NKAIN2: variants seen among roughly 807,000 people sequenced by gnomAD.
NKAIN2 encodes sodium/potassium-transporting ATPase subunit beta-1-interacting protein 2.
In NKAIN2, 14 loss-of-function variants were observed where a neutral mutation model predicts 32.6. The observed-to-expected ratio is 0.43, with a 90% CI of 0.28 to 0.67. The LOEUF (loss-of-function observed/expected upper bound fraction) is 0.67, where lower values mean the gene tolerates loss of function less well. Among genes scored for constraint, NKAIN2 ranks in the 30% least tolerant of loss-of-function variants. NKAIN2 has a pLI of 0.17. For missense variants in NKAIN2, 198 were observed against 258.3 expected, an observed-to-expected ratio of 0.77 and a Z score of 1.60; for synonymous variants, 80 against 87.2, an observed-to-expected ratio of 0.92 and a Z score of 0.46.
intron 3 of NKAIN2, among the ~76,000 whole-genome samples, chr6:124,609,263 G>A (rs1782603820): frequency 6.6e-6 from 1 of 152,080 alleles, no homozygotes; most frequent in South Asian, 2.1e-4. Context: ...TCCTCTTACA[G>A]CCTTATTTGA....
At chr6:124,578,157 G>A (rs1057209113) in intron 3 of NKAIN2, among the ~76,000 whole-genome samples, 3 of 151,968 alleles carry the variant, frequency 2.0e-5, no homozygotes, top group African/African-American at 4.8e-5. Flanking sequence ...GCTACAGGGA[G>A]AGCAACCTTC....
intron 4 of NKAIN2, chr6:124,658,687 G>C (rs1784633480): frequency 3.5e-6 from 2 of 572,160 alleles, no homozygotes; most frequent in Non-Finnish European, 5.8e-6. Flanking sequence ...GATTCTGAAG[G>C]GATGATCAGA....
At chr6:124,507,514 G>A (rs904961276) in intron 3 of NKAIN2, among the ~76,000 whole-genome samples, 8 of 152,004 alleles carry the variant, frequency 5.3e-5, no homozygotes, top group Non-Finnish European at 7.4e-5. Context: ...GGTAGTCAGC[G>A]TATCCATCTT....
intron 1 of NKAIN2, among the ~76,000 whole-genome samples, chr6:124,081,724 T>C (rs182641439): frequency 4.0e-4 from 61 of 152,186 alleles, no homozygotes; most frequent in African/African-American, 1.4e-3. Context: ...AAATTCTGAC[T>C]TTTCAAGGCC....
intron 2 of NKAIN2, among the ~76,000 whole-genome samples, chr6:124,289,062 A>G (rs1795686087): frequency 6.6e-6 from 1 of 152,234 alleles, no homozygotes; most frequent in African/African-American, 2.4e-5. Flanking sequence ...AAGAGAAGCC[A>G]ATACACATGA....
At chr6:124,200,417 C>G (rs755925424) in intron 1 of NKAIN2, among the ~76,000 whole-genome samples, 8 of 152,032 alleles carry the variant, frequency 5.3e-5, no homozygotes, top group Non-Finnish European at 8.8e-5. Flanking sequence ...GTGTTTTGTT[C>G]GCTGTGAGTC....
At chr6:123,958,402 A>G (rs1054988445) in intron 1 of NKAIN2, among the ~76,000 whole-genome samples, 3 of 152,226 alleles carry the variant, frequency 2.0e-5, no homozygotes, top group Admixed American at 2.0e-4. Flanking sequence ...CTCTGTGCAC[A>G]TGGAGCCATC....
chr6:123,949,261 C>A (rs560299076), intron 1 of NKAIN2, among the ~76,000 whole-genome samples: 23 of 152,082 alleles, frequency 1.5e-4, no homozygotes, highest in African/African-American at 5.3e-4. Flanking sequence ...GTTCTTTTTG[C>A]TCAGGATTTC....
chr6:124,673,665 G>C (rs75912288), intron 4 of NKAIN2, among the ~76,000 whole-genome samples: 8,995 of 151,766 alleles, frequency 0.059, 364 homozygotes, highest in African/African-American at 0.11. Flanking sequence ...TCATATACCT[G>C]TTGGCCATTT....
intron 5 of NKAIN2, among the ~76,000 whole-genome samples, chr6:124,797,825 G>A (rs1780069575): frequency 6.6e-6 from 1 of 151,878 alleles, no homozygotes; most frequent in Non-Finnish European, 1.5e-5. Context: ...TGGGAGCAGG[G>A]AAAACTATTT....
chr6:124,061,349 C>T (rs1782910434), intron 1 of NKAIN2, among the ~76,000 whole-genome samples: 2 of 152,030 alleles, frequency 1.3e-5, no homozygotes, highest in South Asian at 4.1e-4. Flanking sequence ...TTTATTAACC[C>T]TTACAGCTAT....
chr6:123,967,516 G>T (rs1428881351), intron 1 of NKAIN2, among the ~76,000 whole-genome samples: 3 of 152,160 alleles, frequency 2.0e-5, no homozygotes, highest in South Asian at 2.1e-4. Context: ...ACCAATAATT[G>T]CAGCTTTTCA....
chr6:124,410,343 T>C (rs879458464), intron 3 of NKAIN2, among the ~76,000 whole-genome samples: 17 of 152,204 alleles, frequency 1.1e-4, no homozygotes, highest in Non-Finnish European at 2.1e-4. Flanking sequence ...TGCTAAAATT[T>C]CCCTCTACAC....
chr6:124,225,302 A>G (rs1792048955), intron 1 of NKAIN2, among the ~76,000 whole-genome samples: 1 of 152,020 alleles, frequency 6.6e-6, no homozygotes, highest in African/African-American at 2.4e-5. Flanking sequence ...TCTATTGTAT[A>G]TCTATTTTTC....
chr6:124,577,063 T>C (rs1383995668), intron 3 of NKAIN2, among the ~76,000 whole-genome samples: 1 of 152,210 alleles, frequency 6.6e-6, no homozygotes, highest in Non-Finnish European at 1.5e-5. Flanking sequence ...GATAATGGGC[T>C]TACCATCAGA....
At chr6:124,358,325 G>C (rs2114258255) in intron 3 of NKAIN2, among the ~76,000 whole-genome samples, 1 of 152,060 alleles carries the variant, frequency 6.6e-6, no homozygotes, top group East Asian at 1.9e-4. Context: ...GATATTTCTA[G>C]TTCTAGATCC....
chr6:124,426,167 T>C (rs901557263), intron 3 of NKAIN2, among the ~76,000 whole-genome samples: 10 of 152,230 alleles, frequency 6.6e-5, no homozygotes, highest in Non-Finnish European at 1.3e-4. Flanking sequence ...TCTTATAATA[T>C]GACTTTATAT....
intron 1 of NKAIN2, among the ~76,000 whole-genome samples, chr6:123,897,612 C>G (rs1774348235): frequency 6.6e-6 from 1 of 151,968 alleles, no homozygotes; most frequent in Admixed American, 6.6e-5. Flanking sequence ...TTGTGGCTGG[C>G]ATGCTTTCTG....
chr6:124,552,952 ACT>A (rs1281593754), intron 3 of NKAIN2, among the ~76,000 whole-genome samples: 5 of 152,238 alleles, frequency 3.3e-5, no homozygotes. Flanking sequence ...TAACAATTAT[ACT>A]TTAACAGGCA....
Sources: allele counts gnomAD v4.1 joint callset (sites outside exome capture counted in the v4.1 genomes callset), GRCh38; gene constraint gnomAD v4.1.1; transcripts MANE v1.5; gene names NCBI Gene and HGNC (gene_info 2026-07-23, HGNC 2026-07-21).